Variants in PCDH15 observed in about 807,000 individuals in gnomAD.
The protein encoded by PCDH15 is protocadherin-15.
In PCDH15, 129 loss-of-function variants were observed where a neutral mutation model predicts 178.5. The observed-to-expected ratio is 0.72, with a 90% CI of 0.63 to 0.84. The LOEUF (loss-of-function observed/expected upper bound fraction) is 0.84, where lower values mean the gene tolerates loss of function less well. Ranked by LOEUF, PCDH15 falls within the 40% of genes least tolerant of loss-of-function variation. The probability of loss-of-function intolerance (pLI) is 0.00; values close to 1 mark genes in which losing one functional copy is unlikely to be tolerated. For missense variants in PCDH15, 2,230 were observed against 2,099.9 expected (o/e 1.06, Z -1.21); for synonymous variants, 800 against 732.0 (o/e 1.09, Z -1.50).
intron 2 of PCDH15, among the ~76,000 whole-genome samples, chr10:55,425,174 GAACTA>G (rs1838721678): frequency 3.3e-5 from 5 of 151,604 alleles, no homozygotes; most frequent in African/African-American, 9.7e-5. Flanking sequence ...TTATATAATA[GAACTA>G]AACTATTTAA....
chr10:55,350,995 CT>C (rs1460526418), intron 2 of PCDH15, among the ~76,000 whole-genome samples: 3 of 118,044 alleles, frequency 2.5e-5, no homozygotes, highest in Admixed American at 8.8e-5. Context: ...CCTCCTCCCC[CT>C]GTCTCCTCCC....
intron 2 of PCDH15, among the ~76,000 whole-genome samples, chr10:55,493,601 G>A (rs960795300): frequency 6.6e-6 from 1 of 151,202 alleles, no homozygotes; most frequent in Non-Finnish European, 1.5e-5. Flanking sequence ...TGAGCCAGAA[G>A]GATGACATAT....
intron 3 of PCDH15, among the ~76,000 whole-genome samples, chr10:54,862,205 T>C (rs1953855930): frequency 6.6e-6 from 1 of 152,132 alleles, no homozygotes; most frequent in Non-Finnish European, 1.5e-5. Flanking sequence ...TACAGACAAA[T>C]TCAGTAAAAA....
intron 2 of PCDH15, among the ~76,000 whole-genome samples, chr10:54,586,070 G>T (rs1344526401): frequency 6.6e-6 from 1 of 152,042 alleles, no homozygotes; most frequent in Non-Finnish European, 1.5e-5. Flanking sequence ...TAATTTTCAG[G>T]AAAATTAGAC....
At chr10:54,990,603 T>G (rs1470701066) in intron 2 of PCDH15, among the ~76,000 whole-genome samples, 1 of 152,182 alleles carries the variant, frequency 6.6e-6, no homozygotes, top group East Asian at 1.9e-4. Flanking sequence ...TGCAGAGATA[T>G]TTTTAAAATT....
chr10:54,999,306 AT>A (rs36046867), intron 2 of PCDH15, among the ~76,000 whole-genome samples: 109,660 of 151,582 alleles, frequency 0.72, 39,798 homozygotes, highest in East Asian at 0.87. Flanking sequence ...AATAAAGAAA[AT>A]TTTTTTTTTA....
At chr10:55,317,472 A>C (rs1843753504) in intron 1 of PCDH15, among the ~76,000 whole-genome samples, 1 of 145,152 alleles carries the variant, frequency 6.9e-6, no homozygotes, top group African/African-American at 2.6e-5. Context: ...AGAGAGGCTT[A>C]ATAGTGTTTT....
intron 26 of PCDH15, among the ~76,000 whole-genome samples, chr10:53,871,874 C>T (rs763521184): frequency 9.9e-5 from 15 of 152,196 alleles, no homozygotes; most frequent in African/African-American, 2.6e-4. Flanking sequence ...CTGCCTTAGC[C>T]TCCCCAGCAG....
chr10:53,967,643 T>C (rs2089186967), intron 21 of PCDH15, among the ~76,000 whole-genome samples: 1 of 152,344 alleles, frequency 6.6e-6, no homozygotes, highest in South Asian at 2.1e-4. Context: ...AAGTCTCTTT[T>C]ATATATACCC....
At chr10:54,507,002 C>T (rs1199517145) in intron 3 of PCDH15, among the ~76,000 whole-genome samples, 2 of 151,722 alleles carry the variant, frequency 1.3e-5, no homozygotes, top group African/African-American at 4.8e-5. Flanking sequence ...TTCCATATAA[C>T]CTTAGGCTTT....
chr10:54,076,889 A>G (rs2094351243), intron 17 of PCDH15, among the ~76,000 whole-genome samples: 1 of 152,088 alleles, frequency 6.6e-6, no homozygotes, highest in Non-Finnish European at 1.5e-5. Context: ...TCATTTCAAT[A>G]AATTCCATCC....
At chr10:53,823,378 A>ATGAAATGTAAGGAAACAAGTTGT in intron 32 of PCDH15, 1 of 1,603,478 alleles carries the variant, frequency 6.2e-7, no homozygotes, top group Non-Finnish European at 8.5e-7. Context: ...AAAGAAGATA[A>ATGAAATGTAAGGAAACAAGTTGT]TGAAATGTAA....
chr10:54,845,727 G>A (rs534540412), intron 3 of PCDH15, among the ~76,000 whole-genome samples: 4 of 152,120 alleles, frequency 2.6e-5, no homozygotes, highest in African/African-American at 7.2e-5. Context: ...AGTGTAATAC[G>A]AATGGTAAGA....
At chr10:53,973,688 C>T (rs904670504) in intron 21 of PCDH15, among the ~76,000 whole-genome samples, 19 of 151,886 alleles carry the variant, frequency 1.3e-4, no homozygotes, top group Non-Finnish European at 1.6e-4. Context: ...TAGTTATTTC[C>T]CTGTATTCAC....
chr10:53,871,485 T>C (rs2079852163), intron 26 of PCDH15, among the ~76,000 whole-genome samples: 2 of 151,898 alleles, frequency 1.3e-5, no homozygotes, highest in Admixed American at 1.3e-4. Flanking sequence ...TGTGTGTATA[T>C]ACACAAAAAT....
At chr10:53,823,030 G>T (rs2076407101) in intron 32 of PCDH15, 1 of 1,613,926 alleles carries the variant, frequency 6.2e-7, no homozygotes, top group African/African-American at 1.3e-5. Flanking sequence ...TTTTCTCTTG[G>T]GCCCCTCAGA....
chr10:54,456,253 G>T (rs12254278), intron 3 of PCDH15, among the ~76,000 whole-genome samples: 54 of 152,254 alleles, frequency 3.5e-4, no homozygotes, highest in Admixed American at 2.1e-3. Flanking sequence ...GCAGCTGAAG[G>T]GGGGGCATAC....
chr10:54,420,711 G>T (rs1207355396), intron 3 of PCDH15, among the ~76,000 whole-genome samples: 1 of 152,024 alleles, frequency 6.6e-6, no homozygotes, highest in Non-Finnish European at 1.5e-5. Flanking sequence ...ACATTTATAA[G>T]CAAGAGATGA....
intron 1 of PCDH15, among the ~76,000 whole-genome samples, chr10:54,664,807 A>G (rs2094544883): frequency 6.6e-6 from 1 of 151,848 alleles, no homozygotes. Flanking sequence ...ATGCCAGGAA[A>G]GACTAAGGAA....
Sources: gnomAD v4.1 joint callset for allele counts (sites outside exome capture counted in the v4.1 genomes callset) on GRCh38, gnomAD v4.1.1 for gene constraint, MANE v1.5 for transcripts, NCBI Gene and HGNC (gene_info 2026-07-23, HGNC 2026-07-21) for gene names.